The following DMD variants were observed in gnomAD, a reference collection of about 807,000 sequenced individuals.
The protein encoded by DMD is dystrophin, also known as mutant dystrophin.
A neutral mutation model predicts 330.1 loss-of-function variants in DMD; 63 were observed. The observed-to-expected ratio is 0.19, with a 90% CI of 0.16 to 0.24. The LOEUF is 0.24. Ranked by LOEUF, DMD falls within the 10% of genes least tolerant of loss-of-function variation. DMD has a pLI of 1.00. For missense variants in DMD, 3,344 were observed against 2,684.1 expected (o/e 1.25, Z -5.43); for synonymous variants, 1,223 against 959.8 (o/e 1.27, Z -5.07).
At chrX:31,308,972 G>T (rs2055265193) in intron 62 of DMD, among the ~76,000 whole-genome samples, 1 of 110,967 alleles carries the variant, frequency 9.0e-6, no homozygotes, top group Non-Finnish European at 1.9e-5. Flanking sequence ...CAGGTGATTT[G>T]CCCACCTCAG....
rs201790166 is a variant in DMD at position 32,731,410 on chromosome X, AC to A, written c.650-32118del. On this transcript the variant is annotated intron_variant, in intron 7 of 78. Transcript: ENST00000357033. The stretch of plus-strand genomic sequence containing the variant: ...AAGCTTGAACTGGGTGGAGCCCACC[AC>A]AACTCAAGGAGGCCTGCCTGCCTCT... 4.4e-3 allele frequency among the ~76,000 whole-genome samples: 491 copies of A among 112,828 alleles called. 3 individuals carry two copies. The highest frequency in any genetic ancestry group is 0.015 in the African/African-American group (465 of 31,096).
intron 44 of DMD, chrX:32,206,808 T>A (rs998781480): frequency 2.6e-6 from 1 of 383,349 alleles, no homozygotes; most frequent in African/African-American, 2.5e-5. Context: ...GATATCTGGC[T>A]GTCGTTTTGA....
At chrX:31,158,289 G>A (rs1018897723) in intron 74 of DMD, among the ~76,000 whole-genome samples, 1 of 111,796 alleles carries the variant, frequency 8.9e-6, no homozygotes, top group East Asian at 2.8e-4. Flanking sequence ...ATACTAATAC[G>A]GGCTATAATA....
chrX:31,371,368 T>A (rs1295200820), intron 60 of DMD, among the ~76,000 whole-genome samples: 1 of 111,757 alleles, frequency 8.9e-6, no homozygotes, highest in African/African-American at 3.3e-5. Context: ...GATTTCTTTT[T>A]GAAGCAATAT....
intron 44 of DMD, among the ~76,000 whole-genome samples, chrX:32,152,718 T>A (rs1441248207): frequency 8.9e-6 from 1 of 111,939 alleles, no homozygotes; most frequent in Non-Finnish European, 1.9e-5. Context: ...CCATGAATAT[T>A]GAAATTGTAA....
At chrX:32,009,097 A>T (rs1284776774) in intron 44 of DMD, among the ~76,000 whole-genome samples, 1 of 111,651 alleles carries the variant, frequency 9.0e-6, no homozygotes, top group African/African-American at 3.3e-5. Flanking sequence ...ATATTCAAAC[A>T]TGATTATTTT....
chrX:31,204,924 G>A (rs191939366), intron 66 of DMD, among the ~76,000 whole-genome samples: 337 of 111,709 alleles, frequency 3.0e-3, no homozygotes, highest in Non-Finnish European at 5.1e-3. Context: ...GCCTGGCTGC[G>A]TATTTCTAAT....
At chrX:33,064,612 G>C (rs2094625230) in intron 1 of DMD, among the ~76,000 whole-genome samples, 1 of 112,125 alleles carries the variant, frequency 8.9e-6, no homozygotes, top group African/African-American at 3.2e-5. Flanking sequence ...TTGATGGCCA[G>C]ACGCGGTGGC....
At chrX:32,829,143 C>G (rs1402450520) in intron 4 of DMD, among the ~76,000 whole-genome samples, 1 of 111,441 alleles carries the variant, frequency 9.0e-6, no homozygotes, top group Non-Finnish European at 1.9e-5. Flanking sequence ...CTGTTAAGTA[C>G]AAAGGTTAAC....
At chrX:33,199,890 G>A (rs1351044482) in intron 1 of DMD, among the ~76,000 whole-genome samples, 4 of 111,231 alleles carry the variant, frequency 3.6e-5, no homozygotes, top group East Asian at 2.8e-4. Context: ...CAAGAAAGAC[G>A]AAGAAATTTC....
chrX:33,034,755 C>A (rs1442885104), intron 1 of DMD, among the ~76,000 whole-genome samples: 1 of 111,942 alleles, frequency 8.9e-6, no homozygotes, highest in Non-Finnish European at 1.9e-5. Flanking sequence ...GATTTAAAGT[C>A]CAGTTTTGCC....
chrX:31,707,856 C>T (rs1489916382), intron 52 of DMD, among the ~76,000 whole-genome samples: 1 of 109,019 alleles, frequency 9.2e-6, no homozygotes, highest in Non-Finnish European at 1.9e-5. Flanking sequence ...CCCTTTAATT[C>T]TATGTGGAAG....
At chrX:32,583,409 G>T (rs1259473332) in intron 13 of DMD, among the ~76,000 whole-genome samples, 2 of 111,615 alleles carry the variant, frequency 1.8e-5, no homozygotes, top group Non-Finnish European at 3.8e-5. Context: ...TGAGGCAGGA[G>T]AATTGCTTGA....
intron 1 of DMD, among the ~76,000 whole-genome samples, chrX:33,080,962 C>T (rs2094919114): frequency 1.0e-5 from 1 of 99,516 alleles, no homozygotes; most frequent in Non-Finnish European, 2.0e-5. Context: ...AATCAGAGCT[C>T]TTTTATAAAC....
intron 55 of DMD, among the ~76,000 whole-genome samples, chrX:31,525,551 T>C (rs1178869175): frequency 2.7e-5 from 3 of 112,128 alleles, no homozygotes. Context: ...TGAGGGTCTT[T>C]AATTTACTGA....
chrX:33,037,254 T>C (rs948972031), intron 1 of DMD, among the ~76,000 whole-genome samples: 1 of 111,413 alleles, frequency 9.0e-6, no homozygotes, highest in African/African-American at 3.3e-5. Flanking sequence ...TCATATAATT[T>C]TTCCATCTCT....
At chrX:31,282,907 T>C (rs1389285637) in intron 62 of DMD, among the ~76,000 whole-genome samples, 2 of 112,035 alleles carry the variant, frequency 1.8e-5, no homozygotes, top group Non-Finnish European at 3.8e-5. Context: ...CTGACATTCA[T>C]TATCCTGAAA....
At chrX:32,469,460 G>A (rs1344305522) in intron 22 of DMD, among the ~76,000 whole-genome samples, 1 of 110,531 alleles carries the variant, frequency 9.0e-6, no homozygotes, top group African/African-American at 3.3e-5. Context: ...GATCATGTAT[G>A]CACATATAAA....
intron 16 of DMD, among the ~76,000 whole-genome samples, chrX:32,557,460 C>G (rs1241788579): frequency 8.9e-6 from 1 of 112,026 alleles, no homozygotes; most frequent in Non-Finnish European, 1.9e-5. Context: ...ATACACTACA[C>G]ACACACAATC....
Sources: gnomAD v4.1 joint callset for allele counts (sites outside exome capture counted in the v4.1 genomes callset) on GRCh38, gnomAD v4.1.1 for gene constraint, MANE v1.5 for transcripts, NCBI Gene and HGNC (gene_info 2026-07-23, HGNC 2026-07-21) for gene names.